KHDRBS2: variants seen among roughly 807,000 people sequenced by gnomAD.
KHDRBS2 encodes KH RNA binding domain containing, signal transduction associated 2, also known as KH domain-containing, RNA-binding, signal transduction-associated protein 2.
In KHDRBS2, 26 loss-of-function variants were observed where a neutral mutation model predicts 44.3. That is an observed-to-expected ratio of 0.59 (90% CI 0.43 to 0.81). The LOEUF (loss-of-function observed/expected upper bound fraction) is 0.81. KHDRBS2 is among the 40% of genes least tolerant of loss of function. KHDRBS2 has a pLI of 0.00. For missense variants in KHDRBS2, 476 were observed against 433.1 expected (o/e 1.10, Z -0.88); for synonymous variants, 194 against 151.1 (o/e 1.28, Z -2.08).
chr6:61,778,668 C>A (rs1212505770), intron 6 of KHDRBS2, among the ~76,000 whole-genome samples: 1 of 152,210 alleles, frequency 6.6e-6, no homozygotes, highest in African/African-American at 2.4e-5. Flanking sequence ...TGCCACCGTG[C>A]CGCAAGTTGC....
At chr6:61,948,001 G>T (rs1763954786) in intron 4 of KHDRBS2, among the ~76,000 whole-genome samples, 1 of 151,222 alleles carries the variant, frequency 6.6e-6, no homozygotes, top group Non-Finnish European at 1.5e-5. Flanking sequence ...GAGAGCTGAA[G>T]AAAGATAACA....
chr6:61,697,141 T>C, intron 8 of KHDRBS2, 54 bp downstream of exon 8: 1 of 1,098,174 alleles, frequency 9.1e-7, no homozygotes, highest in Non-Finnish European at 1.4e-6. Flanking sequence ...GTTTGAATTG[T>C]CGGTGACTGA....
intron 2 of KHDRBS2, among the ~76,000 whole-genome samples, chr6:62,173,897 T>C (rs1298091868): frequency 1.3e-5 from 2 of 152,024 alleles, no homozygotes; most frequent in African/African-American, 2.4e-5. Flanking sequence ...AGACTAAGCA[T>C]TGAGGGAATA....
chr6:61,545,267 G>T, the KHDRBS2 span, among the ~76,000 whole-genome samples: 1 of 151,956 alleles, frequency 6.6e-6, no homozygotes, highest in African/African-American at 2.4e-5. Context: ...GTAACAAAGT[G>T]AGACCCCATC....
At chr6:61,560,809 T>C in the KHDRBS2 span, among the ~76,000 whole-genome samples, 1 of 152,196 alleles carries the variant, frequency 6.6e-6, no homozygotes, top group Non-Finnish European at 1.5e-5. Flanking sequence ...TCTTGGATTG[T>C]CTCTCATGCT....
chr6:61,723,286 C>A (rs1772998484), intron 7 of KHDRBS2, among the ~76,000 whole-genome samples: 1 of 152,022 alleles, frequency 6.6e-6, no homozygotes, highest in Non-Finnish European at 1.5e-5. Flanking sequence ...GAGAAAGAAT[C>A]AATGCAAAAA....
intron 6 of KHDRBS2, among the ~76,000 whole-genome samples, chr6:61,792,485 T>C: frequency 6.6e-6 from 1 of 151,776 alleles, no homozygotes. Context: ...GATATACCAA[T>C]TAGTTTTTCT....
At chr6:62,098,484 G>A (rs1801151008) in intron 2 of KHDRBS2, among the ~76,000 whole-genome samples, 1 of 136,018 alleles carries the variant, frequency 7.4e-6, no homozygotes, top group South Asian at 2.4e-4. Context: ...CTCCTGGCCT[G>A]TAAGATTTCT....
chr6:62,063,046 C>G (rs1231099741), intron 2 of KHDRBS2, among the ~76,000 whole-genome samples: 1 of 148,032 alleles, frequency 6.8e-6, no homozygotes, highest in South Asian at 2.2e-4. Flanking sequence ...GGATACATTC[C>G]TCGACACATA....
the KHDRBS2 span, among the ~76,000 whole-genome samples, chr6:61,639,970 T>C: frequency 6.6e-6 from 1 of 152,170 alleles, no homozygotes; most frequent in African/African-American, 2.4e-5. Flanking sequence ...AAGTGATGTG[T>C]GGACCTTGTT....
rs192941842 is a variant in KHDRBS2 at position 62,062,078 on chromosome 6, C to A, written c.220-14084G>T. Among the ~76,000 whole-genome samples, 138 of 151,086 alleles carry A rather than the reference C, an allele frequency of 9.1e-4. 1 individual carries two copies. The highest frequency in any genetic ancestry group is 2.8e-3 in the African/African-American group (116 of 41,186). ...GGATCAATTCAACAAGAAGAGCTAA[C>A]TATCCTAAATATATATGCACCCAAT... On this transcript the variant is annotated intron_variant, in intron 2 of 8. Transcript: ENST00000281156.
chr6:62,072,183 A>G (rs1411526717), intron 2 of KHDRBS2, among the ~76,000 whole-genome samples: 2 of 152,266 alleles, frequency 1.3e-5, no homozygotes, highest in African/African-American at 2.4e-5. Flanking sequence ...ATTTTTGCAC[A>G]TTGATTTTGT....
At chr6:62,025,453 A>G (rs1010486287) in intron 3 of KHDRBS2, among the ~76,000 whole-genome samples, 2 of 151,856 alleles carry the variant, frequency 1.3e-5, no homozygotes, top group African/African-American at 4.8e-5. Flanking sequence ...ACTTATTTTC[A>G]TATAAAAATA....
At chr6:61,935,642 T>C (rs1239397886) in intron 4 of KHDRBS2, among the ~76,000 whole-genome samples, 2 of 152,188 alleles carry the variant, frequency 1.3e-5, no homozygotes, top group Admixed American at 1.3e-4. Context: ...ATTGCTTTGC[T>C]CAGTGCTGCT....
chr6:62,239,654 T>A (rs1834271336), intron 1 of KHDRBS2, among the ~76,000 whole-genome samples: 1 of 152,182 alleles, frequency 6.6e-6, no homozygotes, highest in Non-Finnish European at 1.5e-5. Context: ...TCAGTTTAGA[T>A]GACAGGTGTA....
intron 4 of KHDRBS2, among the ~76,000 whole-genome samples, 183 bp from the exon 5 acceptor site, chr6:61,901,554 T>A (rs778198421): frequency 2.0e-5 from 3 of 152,204 alleles, no homozygotes; most frequent in Non-Finnish European, 4.4e-5. Context: ...ATTCCTATTT[T>A]TATATAGAGA....
chr6:61,734,401 T>C (rs183542906), intron 6 of KHDRBS2, among the ~76,000 whole-genome samples: 1 of 152,242 alleles, frequency 6.6e-6, no homozygotes, highest in Non-Finnish European at 1.5e-5. Context: ...CCTTGTCTTG[T>C]TCTCCTTTAA....
chr6:61,783,686 CCCCA>C (rs1783370951), intron 6 of KHDRBS2, among the ~76,000 whole-genome samples: 1 of 151,860 alleles, frequency 6.6e-6, no homozygotes, highest in Non-Finnish European at 1.5e-5. Context: ...AAATTTAGAA[CCCCA>C]CCATCTCTTA....
At chr6:61,943,424 T>G (rs925840560) in intron 4 of KHDRBS2, among the ~76,000 whole-genome samples, 1 of 150,416 alleles carries the variant, frequency 6.6e-6, no homozygotes, top group Non-Finnish European at 1.5e-5. Flanking sequence ...GAACAAAGAC[T>G]ATAAGAAACA....
Sources: allele counts gnomAD v4.1 joint callset (sites outside exome capture counted in the v4.1 genomes callset), GRCh38; gene constraint gnomAD v4.1.1; transcripts MANE v1.5; gene names NCBI Gene and HGNC (gene_info 2026-07-23, HGNC 2026-07-21).